The following TNC variants were observed in gnomAD, a reference collection of about 807,000 sequenced individuals.
TNC encodes tenascin C, also known as tenascin.
A neutral mutation model predicts 202.4 loss-of-function variants in TNC; 109 were observed. The observed-to-expected ratio is 0.54, with a 90% CI of 0.46 to 0.63. The LOEUF is 0.63. Among genes scored for constraint, TNC ranks in the 30% least tolerant of loss-of-function variants. The probability of loss-of-function intolerance (pLI) is 0.00; values close to 1 mark genes in which losing one functional copy is unlikely to be tolerated. For missense variants in TNC, 2,756 were observed against 2,833.3 expected (o/e 0.97, Z 0.62); for synonymous variants, 1,007 against 1,089.7 (o/e 0.92, Z 1.50).
intron 9 of TNC, among the ~76,000 whole-genome samples, chr9:115,075,500 A>G (rs1833776524): frequency 6.6e-6 from 1 of 152,154 alleles, no homozygotes. Flanking sequence ...TCTTTAAAAA[A>G]TCCCGGCTGG....
intron 26 of TNC, among the ~76,000 whole-genome samples, chr9:115,025,044 C>T (rs981696226): frequency 6.6e-6 from 1 of 152,188 alleles, no homozygotes; most frequent in African/African-American, 2.4e-5. Flanking sequence ...ACAGGATGCT[C>T]TCCTGCAGAA....
At chr9:115,037,386 GTC>G (rs1204766144) in intron 20 of TNC, among the ~76,000 whole-genome samples, 9 of 152,136 alleles carry the variant, frequency 5.9e-5, no homozygotes, top group Admixed American at 5.9e-4. Context: ...TCTTTCTCCA[GTC>G]TCTTACTTAT....
chr9:115,092,901 G>A (rs925453147), intron 1 of TNC, among the ~76,000 whole-genome samples: 1 of 151,972 alleles, frequency 6.6e-6, no homozygotes, highest in African/African-American at 2.4e-5. Flanking sequence ...TTGGTTTTTA[G>A]CATGTCATTT....
In TNC at chr9:115,048,344, T is replaced by G; in HGVS notation, c.4768A>C (p.Ile1590Leu). Residue 1590 changes from isoleucine to leucine, a missense_variant, in exon 16 of 28, where the codon ATA (isoleucine) becomes CTA (leucine). Ile to Leu is a conservative substitution (Grantham distance 5, BLOSUM62 2). This residue lies in a region of TNC where 2,559 missense variants were observed against 2,546.0 expected (regional missense o/e 1.01). Coordinates refer to ENST00000350763, the MANE Select transcript of TNC (RefSeq NM_002160.4). ...ATAACCTCATAGCCAATGCCAGTTA[T>G]GAGGCCTCTAAGCTCCAGCTTCCTC... ...TQRKLELRGL[I>L]TGIGYEVMVS... The G allele has an allele frequency of 1.2e-6, 2 of 1,614,102 alleles. No homozygotes were observed. The highest frequency in any genetic ancestry group is 1.7e-6 in the Non-Finnish European group (2 of 1,179,988).
intron 7 of TNC, among the ~76,000 whole-genome samples, chr9:115,077,239 G>A (rs994719166): frequency 4.6e-5 from 7 of 152,008 alleles, no homozygotes; most frequent in African/African-American, 1.7e-4. Context: ...TGTATTTTTA[G>A]TAGAGACGGG....
In TNC at chr9:115,036,251, A is replaced by T. The variant is rs1312665989; in HGVS notation, c.5513-10T>A. The T allele has an allele frequency of 1.9e-6, 3 of 1,613,870 alleles. No individual in the cohort carries two copies. Among genetic ancestry groups the T allele is most frequent in the Non-Finnish European group, 1.7e-6 (2 of 1,179,922 alleles). On this transcript the variant is annotated splice_polypyrimidine_tract_variant and intron_variant, in intron 20 of 27. Coordinates refer to ENST00000350763, the MANE Select transcript of TNC (RefSeq NM_002160.4). The stretch of plus-strand genomic sequence containing the variant: ...CGTGTAATTTCTGGCACTAAACATG[A>T]AATACACATACCAAGGCAGTCACCT...
chr9:115,104,992 C>T (rs1165309717), intron 1 of TNC, among the ~76,000 whole-genome samples: 2 of 152,180 alleles, frequency 1.3e-5, no homozygotes, highest in Non-Finnish European at 2.9e-5. Flanking sequence ...CAAAACTAGA[C>T]AGCTTTGGAA....
In TNC at chr9:115,090,555, C is replaced by G; in HGVS notation, c.457+7G>C. On this transcript the variant is annotated splice_region_variant and intron_variant, in intron 2 of 27. Transcript: ENST00000350763. ...AGTGTGGGACTGGGCGGGCCACCAG[C>G]TCATACCTGTGGCAGGCTGGAGACA... 1 of 1,563,610 alleles carries G rather than the reference C, an allele frequency of 6.4e-7. No homozygotes were observed. Among genetic ancestry groups the G allele is most frequent in the Non-Finnish European group, 8.7e-7 (1 of 1,153,404 alleles).
chr9:115,025,704 A>G (rs1243668955), intron 26 of TNC, among the ~76,000 whole-genome samples: 2 of 152,242 alleles, frequency 1.3e-5, no homozygotes, highest in Admixed American at 1.3e-4. Context: ...GTCTTCATAA[A>G]ATGGTTTTAT....
chr9:115,084,086 G>C, intron 4 of TNC, 123 bp downstream of exon 4: 4 of 1,051,690 alleles, frequency 3.8e-6, no homozygotes, highest in African/African-American at 1.6e-5. Context: ...CTTAATTCTA[G>C]GCTCTTATTT....
intron 16 of TNC, among the ~76,000 whole-genome samples, chr9:115,047,776 G>C (rs1831316867): frequency 6.6e-6 from 1 of 152,138 alleles, no homozygotes; most frequent in Non-Finnish European, 1.5e-5. Context: ...GAGTCTCTCT[G>C]ATATTAGTGA....
At chr9:115,112,650 A>G (rs982358544) in intron 1 of TNC, 6 of 152,240 alleles carry the variant, frequency 3.9e-5, no homozygotes, top group African/African-American at 1.4e-4. Context: ...CTGTGCATCG[A>G]CCTTCACAAG....
chr9:115,101,578 G>A (rs549293885), intron 1 of TNC, among the ~76,000 whole-genome samples: 128 of 152,270 alleles, frequency 8.4e-4, no homozygotes, highest in Non-Finnish European at 4.1e-4. Flanking sequence ...GCCACTGCAG[G>A]TTGGGAACAT....
Position 115,041,022 on chromosome 9 carries a change from G to A in TNC, c.5311C>T (p.Pro1771Ser). 6.2e-7 allele frequency: 1 copy of A among 1,614,076 alleles called. No individual in the cohort carries two copies. Residue 1771 changes from proline to serine, a missense_variant, in exon 19 of 28, where the codon CCT (proline) becomes TCT (serine). Pro to Ser is a moderately conservative substitution (Grantham distance 74). This residue lies in a region of TNC where 2,559 missense variants were observed against 2,546.0 expected (regional missense o/e 1.01). Transcript: ENST00000350763. Reference sequence around the variant, plus strand: ...ATGCTGACAAGGTACTCCACGCCAGGTATGAGTTTCACCAGCCTGGTCTGA... The same window carrying A: ...ATGCTGACAAGGTACTCCACGCCAGATATGAGTTTCACCAGCCTGGTCTGA... ...KTQTRLVKLI[P>S]GVEYLVSIIA...
At chr9:115,098,013 TC>T (rs987971767) in intron 1 of TNC, among the ~76,000 whole-genome samples, 1 of 152,150 alleles carries the variant, frequency 6.6e-6, no homozygotes, top group African/African-American at 2.4e-5. Flanking sequence ...TAATATTTAG[TC>T]CCCCATTCTC....
At chr9:115,043,099 GC>G (rs1830893249) in intron 17 of TNC, among the ~76,000 whole-genome samples, 2 of 152,080 alleles carry the variant, frequency 1.3e-5, no homozygotes, top group South Asian at 2.1e-4. Flanking sequence ...GTTTCCTTTG[GC>G]TTTTCTCTGT....
chr9:115,041,777 C>T (rs889590216), intron 18 of TNC, among the ~76,000 whole-genome samples: 7 of 152,296 alleles, frequency 4.6e-5, no homozygotes, highest in East Asian at 1.9e-4. Context: ...ATAGCCCATG[C>T]GCTTTGAGTT....
At chr9:115,029,019 C>T (rs1346656853) in intron 25 of TNC, among the ~76,000 whole-genome samples, 2 of 105,166 alleles carry the variant, frequency 1.9e-5, no homozygotes, top group Admixed American at 1.2e-4. Flanking sequence ...CACTAAAACT[C>T]TTAATATTAT....
chr9:115,021,270 G>A lies in TNC; in HGVS notation c.6496-3C>T. The stretch of plus-strand genomic sequence containing the variant: ...TTCCAGTGGAACCAGTTAACGCCCT[G>A]TTAAAAAAAAAAAAGAGAGAGAGAG... On this transcript the variant is annotated splice_polypyrimidine_tract_variant and splice_region_variant and intron_variant, in intron 27 of 27. Coordinates refer to ENST00000350763, the MANE Select transcript of TNC (RefSeq NM_002160.4). The A allele has an allele frequency of 6.5e-7, 1 of 1,538,964 alleles. No homozygotes were observed. Among genetic ancestry groups the A allele is most frequent in the South Asian group, 1.2e-5 (1 of 86,822 alleles).
Sources: allele counts gnomAD v4.1 joint callset (sites outside exome capture counted in the v4.1 genomes callset), GRCh38; gene constraint gnomAD v4.1.1; regional missense constraint gnomAD v4.1.1; transcripts MANE v1.5; gene names NCBI Gene and HGNC (gene_info 2026-07-23, HGNC 2026-07-21).